Variants in AUTS2 observed in about 807,000 individuals in gnomAD.
AUTS2 encodes the protein autism susceptibility gene 2 protein.
Under a neutral mutation model 112.4 loss-of-function variants are expected in AUTS2, and 17 were observed. The observed-to-expected ratio is 0.15, with a 90% CI of 0.10 to 0.23. AUTS2 has a LOEUF of 0.23. AUTS2 is among the 10% of genes least tolerant of loss of function. The pLI is 1.00. For synonymous variants in AUTS2, 751 were observed against 702.7 expected (o/e 1.07, Z -1.09); for missense variants, 1,510 against 1,701.6 (o/e 0.89, Z 1.98).
chr7:70,606,335 G>C (rs1803757224), intron 5 of AUTS2, among the ~76,000 whole-genome samples: 1 of 73,982 alleles, frequency 1.4e-5, no homozygotes, highest in African/African-American at 4.1e-5. Flanking sequence ...ATTCTTAAAA[G>C]TTAATATTTG....
chr7:70,209,402 G>A (rs1355691724), intron 4 of AUTS2, among the ~76,000 whole-genome samples: 2 of 152,180 alleles, frequency 1.3e-5, no homozygotes, highest in African/African-American at 4.8e-5. Flanking sequence ...AAGAAAAGAT[G>A]TCATCTGGGC....
chr7:70,772,162 G>A (rs539823557), intron 11 of AUTS2, among the ~76,000 whole-genome samples: 17 of 152,290 alleles, frequency 1.1e-4, no homozygotes, highest in African/African-American at 3.8e-4. Flanking sequence ...GGCAGGTGGG[G>A]TGGTCGCCTC....
chr7:70,097,166 A>G (rs970491420), intron 2 of AUTS2, among the ~76,000 whole-genome samples: 7 of 152,224 alleles, frequency 4.6e-5, no homozygotes, highest in Non-Finnish European at 1.0e-4. Context: ...CCTTTATATG[A>G]GATTACACTG....
intron 4 of AUTS2, among the ~76,000 whole-genome samples, chr7:70,250,045 A>G (rs1320834528): frequency 6.6e-6 from 1 of 151,878 alleles, no homozygotes; most frequent in East Asian, 1.9e-4. Flanking sequence ...AATATTAAGT[A>G]AAGTATTAAT....
At chr7:70,283,739 A>C (rs1788329448) in intron 4 of AUTS2, among the ~76,000 whole-genome samples, 1 of 152,206 alleles carries the variant, frequency 6.6e-6, no homozygotes. Context: ...ATCTCTACTT[A>C]GAATAGTCCT....
Position 70,185,257 on chromosome 7 carries a change from C to CTTTTTTTTTTTTTTTTTTT in AUTS2, c.660+50695_660+50713dup, listed in dbSNP as rs35215443. Among the ~76,000 whole-genome samples the CTTTTTTTTTTTTTTTTTTT allele has an allele frequency of 6.1e-4, 53 of 87,116 alleles. 3 individuals carry two copies. Among genetic ancestry groups the CTTTTTTTTTTTTTTTTTTT allele is most frequent in the African/African-American group, 7.8e-4 (17 of 21,908 alleles). 57.2% of individuals were successfully genotyped at this position (87,116 alleles called of 152,430 possible). A position where few individuals can be genotyped will look rare whatever the true frequency, so the allele number is the denominator to read the frequency against. ...TGCTTTGGGCCTAAATGACATTAAA[C>CTTTTTTTTTTTTTTTTTTT]TTTTTTTTTTTTTTTTTTTTTTTTT... is the stretch of plus-strand genomic sequence containing the variant. On this transcript the variant is annotated intron_variant, in intron 4 of 18. Transcript: ENST00000342771.
rs551279779 is a variant in AUTS2 at position 70,458,766 on chromosome 7, G to T, written c.690+22985G>T. Among the ~76,000 whole-genome samples the T allele has an allele frequency of 2.5e-4, 38 of 152,330 alleles. No individual in the cohort carries two copies. In the East Asian group the frequency reaches 7.3e-3, roughly 29 times the overall value. On this transcript the variant is annotated intron_variant, in intron 5 of 18. Transcript: ENST00000342771. ...ACACGGAAAAGCCATTTCCTTGTCT[G>T]GTGGGAGCTTGTGTTTTCTCGCTAG...
chr7:70,538,012 G>A (rs1161202872), intron 5 of AUTS2, among the ~76,000 whole-genome samples: 1 of 152,156 alleles, frequency 6.6e-6, no homozygotes, highest in Admixed American at 6.5e-5. Context: ...ATTTTGGGAG[G>A]ATCACTTGAG....
At chr7:69,774,284 C>T (rs967131794) in intron 1 of AUTS2, among the ~76,000 whole-genome samples, 5 of 152,124 alleles carry the variant, frequency 3.3e-5, no homozygotes, top group African/African-American at 1.2e-4. Context: ...CCTGTAGTCC[C>T]AGCTACTCAG....
At chr7:70,162,894 C>T (rs1432769502) in intron 4 of AUTS2, among the ~76,000 whole-genome samples, 1 of 151,870 alleles carries the variant, frequency 6.6e-6, no homozygotes, top group Non-Finnish European at 1.5e-5. Flanking sequence ...ATTGATAGAA[C>T]GATAAATAAA....
At chr7:70,445,291 C>T (rs1409974090) in intron 5 of AUTS2, among the ~76,000 whole-genome samples, 3 of 152,106 alleles carry the variant, frequency 2.0e-5, no homozygotes, top group Non-Finnish European at 2.9e-5. Flanking sequence ...CTTCCCATGC[C>T]GTGCTGCTTC....
intron 1 of AUTS2, among the ~76,000 whole-genome samples, chr7:69,638,684 G>A (rs1794662382): frequency 1.3e-5 from 2 of 152,090 alleles, no homozygotes; most frequent in African/African-American, 4.8e-5. Flanking sequence ...CATTCACAGT[G>A]GAGGTTTTAA....
At chr7:69,905,790 C>T (rs548407683) in intron 2 of AUTS2, among the ~76,000 whole-genome samples, 1 of 152,230 alleles carries the variant, frequency 6.6e-6, no homozygotes, top group Non-Finnish European at 1.5e-5. Context: ...CCTAAATTAA[C>T]CAACACAGCA....
intron 2 of AUTS2, among the ~76,000 whole-genome samples, chr7:69,955,815 G>A (rs1484879091): frequency 1.3e-5 from 2 of 152,036 alleles, no homozygotes; most frequent in Non-Finnish European, 2.9e-5. Flanking sequence ...TCCCTAGCTC[G>A]ACACACACAT....
At chr7:69,767,999 G>A (rs910709405) in intron 1 of AUTS2, among the ~76,000 whole-genome samples, 8 of 152,060 alleles carry the variant, frequency 5.3e-5, no homozygotes, top group Non-Finnish European at 1.0e-4. Context: ...TACTTCAGAC[G>A]GTCTCTCCCA....
chr7:69,808,212 C>A (rs999271813), intron 1 of AUTS2, among the ~76,000 whole-genome samples: 25 of 152,276 alleles, frequency 1.6e-4, no homozygotes, highest in African/African-American at 6.0e-4. Flanking sequence ...AGGTGTGAGC[C>A]ACCGCACTCC....
At chr7:69,894,335 A>G (rs2129539725) in intron 1 of AUTS2, among the ~76,000 whole-genome samples, 1 of 116,288 alleles carries the variant, frequency 8.6e-6, no homozygotes, top group East Asian at 2.9e-4. Flanking sequence ...GTGCTTGTGT[A>G]AGGGAGGCAG....
chr7:70,282,051 G>C (rs1394651022), intron 4 of AUTS2, among the ~76,000 whole-genome samples: 2 of 151,888 alleles, frequency 1.3e-5, no homozygotes, highest in Non-Finnish European at 2.9e-5. Context: ...AGTTCTTGGA[G>C]CAATGCTCAT....
chr7:69,752,477 GAATA>G (rs1297603236), intron 1 of AUTS2, among the ~76,000 whole-genome samples: 2 of 152,198 alleles, frequency 1.3e-5, no homozygotes, highest in Non-Finnish European at 2.9e-5. Context: ...CAGATGCCGT[GAATA>G]ACTGCCCCTG....
Sources: gnomAD v4.1 joint callset for allele counts (sites outside exome capture counted in the v4.1 genomes callset) on GRCh38, gnomAD v4.1.1 for gene constraint, MANE v1.5 for transcripts, NCBI Gene and HGNC (gene_info 2026-07-23, HGNC 2026-07-21) for gene names.